Variants in EIF4G3 observed in about 807,000 individuals in gnomAD.
The protein encoded by EIF4G3 is eIF-4-gamma 3.
A neutral mutation model predicts 186.4 loss-of-function variants in EIF4G3; 34 were observed. The observed-to-expected ratio is 0.18, with a 90% CI of 0.14 to 0.24. The LOEUF (loss-of-function observed/expected upper bound fraction) is 0.24. EIF4G3 is among the 10% of genes least tolerant of loss of function. EIF4G3 has a pLI of 1.00. For synonymous variants in EIF4G3, 673 were observed against 679.5 expected (o/e 0.99, Z 0.15); for missense variants, 1,536 against 1,948.5 (o/e 0.79, Z 3.99).
intron 22 of EIF4G3, among the ~76,000 whole-genome samples, chr1:20,863,378 TAA>T (rs3051243): frequency 3.9e-5 from 4 of 102,492 alleles, no homozygotes; most frequent in African/African-American, 8.2e-5. Flanking sequence ...CTACAAAAAG[TAA>T]AAAAAAAAAA....
intron 12 of EIF4G3, among the ~76,000 whole-genome samples, chr1:20,957,997 T>C (rs2096479617): frequency 6.6e-6 from 1 of 152,116 alleles, no homozygotes; most frequent in Admixed American, 6.5e-5. Context: ...CCAATCCTAC[T>C]GAAACTATTC....
intron 4 of EIF4G3, among the ~76,000 whole-genome samples, chr1:21,026,679 C>T (rs2092142127): frequency 6.6e-6 from 1 of 152,030 alleles, no homozygotes; most frequent in African/African-American, 2.4e-5. Context: ...GGGCTGGGCA[C>T]CATGGCCTGT....
chr1:20,956,860 T>C (rs1338524140), intron 12 of EIF4G3, among the ~76,000 whole-genome samples: 1 of 152,008 alleles, frequency 6.6e-6, no homozygotes, highest in African/African-American at 2.4e-5. Flanking sequence ...CAGCTTGGCC[T>C]CCCAAAGTAC....
chr1:21,170,070 G>C (rs1362319936), intron 2 of EIF4G3, among the ~76,000 whole-genome samples: 2 of 152,164 alleles, frequency 1.3e-5, no homozygotes, highest in Non-Finnish European at 2.9e-5. Context: ...AGCTACTCTA[G>C]AGGCTGAGGC....
intron 7 of EIF4G3, among the ~76,000 whole-genome samples, chr1:20,992,899 T>C (rs2081423668): frequency 6.6e-6 from 1 of 152,170 alleles, no homozygotes; most frequent in Admixed American, 6.5e-5. Context: ...ATCCAAATTA[T>C]ACCAAGTGGC....
intron 2 of EIF4G3, among the ~76,000 whole-genome samples, chr1:21,164,534 G>C (rs2097823337): frequency 6.6e-6 from 1 of 152,108 alleles, no homozygotes; most frequent in Admixed American, 6.6e-5. Context: ...TGAGACACGA[G>C]TGGGCAACAC....
chr1:20,863,670 C>G (rs1200860944), intron 22 of EIF4G3, among the ~76,000 whole-genome samples: 1 of 151,688 alleles, frequency 6.6e-6, no homozygotes, highest in African/African-American at 2.4e-5. Flanking sequence ...TCACGAACTC[C>G]TGACCTCAGG....
chr1:20,988,892 C>A (rs1283403137), intron 7 of EIF4G3, among the ~76,000 whole-genome samples: 1 of 151,190 alleles, frequency 6.6e-6, no homozygotes, highest in Non-Finnish European at 1.5e-5. Context: ...GGAAAGGATT[C>A]ACCATTGCTG....
intron 2 of EIF4G3, among the ~76,000 whole-genome samples, chr1:21,097,044 TTG>T (rs2096391009): frequency 6.6e-6 from 1 of 152,208 alleles, no homozygotes; most frequent in Non-Finnish European, 1.5e-5. Flanking sequence ...ATGGTAAATA[TTG>T]TGTTATGTAT....
chr1:20,850,364 A>G (rs1036671901), intron 28 of EIF4G3, among the ~76,000 whole-genome samples: 3 of 152,228 alleles, frequency 2.0e-5, no homozygotes, highest in African/African-American at 7.2e-5. Context: ...AAAAAGCCAT[A>G]TGTCCCTAAA....
chr1:20,927,682 G>A (rs1384876318), intron 14 of EIF4G3, among the ~76,000 whole-genome samples: 3 of 152,094 alleles, frequency 2.0e-5, no homozygotes, highest in African/African-American at 4.8e-5. Flanking sequence ...GAGGGTGGCT[G>A]AACTGGGCCA....
chr1:20,815,651 G>A (rs1248049370), intron 34 of EIF4G3, among the ~76,000 whole-genome samples: 5 of 67,228 alleles, frequency 7.4e-5, no homozygotes, highest in Non-Finnish European at 1.2e-4. Flanking sequence ...GAGGGAGGTG[G>A]GGGGGGGTCA....
intron 29 of EIF4G3, among the ~76,000 whole-genome samples, chr1:20,844,448 C>T (rs2069937632): frequency 6.6e-6 from 1 of 151,408 alleles, no homozygotes; most frequent in Admixed American, 6.6e-5. Flanking sequence ...TGTATGTCTT[C>T]CTTTGAGTAC....
chr1:20,951,548 C>T (rs1404320284), intron 12 of EIF4G3, among the ~76,000 whole-genome samples: 1 of 152,038 alleles, frequency 6.6e-6, no homozygotes, highest in African/African-American at 2.4e-5. Context: ...GAAAGGTTCA[C>T]AGCTAAAACT....
chr1:20,891,162 A>G (rs1377647821), intron 18 of EIF4G3, among the ~76,000 whole-genome samples: 1 of 152,232 alleles, frequency 6.6e-6, no homozygotes, highest in Non-Finnish European at 1.5e-5. Context: ...TTCTATTTTC[A>G]ATAATTTAAA....
At chr1:20,848,918 G>A (rs1257149001) in intron 29 of EIF4G3, among the ~76,000 whole-genome samples, 1 of 151,720 alleles carries the variant, frequency 6.6e-6, no homozygotes, top group Non-Finnish European at 1.5e-5. Flanking sequence ...ATGGTGACGG[G>A]CACCTGTAGT....
intron 12 of EIF4G3, among the ~76,000 whole-genome samples, chr1:20,956,704 G>A (rs551479000): frequency 3.4e-4 from 51 of 150,638 alleles, no homozygotes; most frequent in Middle Eastern, 3.5e-3. Flanking sequence ...ACAGGGTCTC[G>A]CTCTGCCACT....
intron 20 of EIF4G3, among the ~76,000 whole-genome samples, chr1:20,873,182 C>T (rs1426262039): frequency 2.0e-5 from 3 of 152,222 alleles, no homozygotes. Flanking sequence ...TTTACTCAAA[C>T]TTACTCTTGT....
chr1:21,008,909 C>T (rs2086117759), intron 4 of EIF4G3, among the ~76,000 whole-genome samples: 1 of 152,000 alleles, frequency 6.6e-6, no homozygotes, highest in South Asian at 2.1e-4. Context: ...GGTGGTTAAC[C>T]ATCCTCAACT....
Sources: allele counts gnomAD v4.1 joint callset (sites outside exome capture counted in the v4.1 genomes callset), GRCh38; gene constraint gnomAD v4.1.1; transcripts MANE v1.5; gene names NCBI Gene and HGNC (gene_info 2026-07-23, HGNC 2026-07-21).